Variants in FBXO11 observed in about 807,000 individuals in gnomAD.
FBXO11 encodes F-box only protein 11.
FBXO11 carries 13 observed loss-of-function variants against 117.0 expected under a neutral mutation model. The observed-to-expected ratio is 0.11, with a 90% CI of 0.07 to 0.18. FBXO11 has a LOEUF of 0.18. Ranked by LOEUF, FBXO11 falls within the 10% of genes least tolerant of loss-of-function variation. FBXO11 has a pLI of 1.00. For missense variants in FBXO11, 767 were observed against 1,164.4 expected, an observed-to-expected ratio of 0.66 and a Z score of 4.97; for synonymous variants, 490 against 380.5, an observed-to-expected ratio of 1.29 and a Z score of -3.35.
chr2:47,874,091 G>A (rs1367409281), intron 1 of FBXO11, among the ~76,000 whole-genome samples: 1 of 152,092 alleles, frequency 6.6e-6, no homozygotes, highest in Non-Finnish European at 1.5e-5. Context: ...GCGGGCACCT[G>A]TAATTCCAGC....
At chr2:47,810,029 G>C (rs1670506773) in intron 19 of FBXO11, 4 of 489,662 alleles carry the variant, frequency 8.2e-6, no homozygotes, top group Middle Eastern at 5.2e-4. Flanking sequence ...CTGAGGAATT[G>C]AATCTATCTG....
chr2:47,852,048 AT>A (rs1470148353), intron 1 of FBXO11, among the ~76,000 whole-genome samples: 3 of 148,730 alleles, frequency 2.0e-5, no homozygotes, highest in Non-Finnish European at 4.4e-5. Flanking sequence ...TTGGAGTGCA[AT>A]GGCACTATCT....
At chr2:47,842,468 A>G (rs1028547405) in intron 1 of FBXO11, among the ~76,000 whole-genome samples, 2 of 152,210 alleles carry the variant, frequency 1.3e-5, no homozygotes, top group Non-Finnish European at 2.9e-5. Flanking sequence ...CTACCTAGCT[A>G]TATTTCATAA....
chr2:47,879,797 CTACTT>C (rs1033676338), intron 1 of FBXO11, among the ~76,000 whole-genome samples: 11 of 152,170 alleles, frequency 7.2e-5, no homozygotes, highest in African/African-American at 2.7e-4. Flanking sequence ...TACCACCACT[CTACTT>C]TGTTTCTAAG....
At chr2:47,845,279 A>G (rs942381852) in intron 1 of FBXO11, among the ~76,000 whole-genome samples, 1 of 152,216 alleles carries the variant, frequency 6.6e-6, no homozygotes, top group Non-Finnish European at 1.5e-5. Flanking sequence ...TAAAATGTAC[A>G]GCAAATAAAT....
intron 1 of FBXO11, among the ~76,000 whole-genome samples, chr2:47,842,306 C>T (rs113797613): frequency 0.085 from 12,890 of 151,942 alleles, 696 homozygotes; most frequent in African/African-American, 0.15. Context: ...GAGCCACCGG[C>T]GCCCGGCAGG....
chr2:47,863,595 G>A lies in FBXO11; in HGVS notation c.233-23826C>T, dbSNP rs75899427. Among the ~76,000 whole-genome samples, 3 of 152,122 alleles carry A rather than the reference G, an allele frequency of 2.0e-5. No individual in the cohort carries two copies. The East Asian group carries it at 5.8e-4, about 29-fold the overall frequency. On this transcript the variant is annotated intron_variant, in intron 1 of 22. Coordinates refer to ENST00000403359, the MANE Select transcript of FBXO11 (RefSeq NM_001190274.2). ...TAGTTCTCACTAGACCTAATATTTT[G>A]GGGTTATGGCATAACAGTTTTTCAA... is the stretch of plus-strand genomic sequence containing the variant.
rs1212477100 is a variant in FBXO11 at position 47,905,826 on chromosome 2, A to C, written c.-106T>G. Reference sequence around the variant, plus strand: ...TGGGGAGAGTGGGAGAGGGGGGAGGAAGGAGAGGGGGCGAGGGGAAGGGGA... The same window carrying C: ...TGGGGAGAGTGGGAGAGGGGGGAGGCAGGAGAGGGGGCGAGGGGAAGGGGA... On this transcript the variant is annotated 5_prime_UTR_variant, in exon 1 of 23. Coordinates refer to ENST00000403359, the MANE Select transcript of FBXO11 (RefSeq NM_001190274.2). 2.9e-5 allele frequency: 9 copies of C among 305,842 alleles called. 1 individual carries two copies. The Admixed American group carries it at 4.5e-4, about 15-fold the overall frequency. 18.9% of individuals were successfully genotyped at this position (305,842 alleles called of 1,614,324 possible). A position where few individuals can be genotyped will look rare whatever the true frequency, so the allele number is the denominator to read the frequency against.
At position 47,845,620 on chromosome 2, in the gene FBXO11, C is replaced by A. The variant is rs533883559; in HGVS notation, c.233-5851G>T. 2.6e-5 allele frequency among the ~76,000 whole-genome samples: 4 copies of A among 152,242 alleles called. No homozygotes were observed. In the East Asian group the frequency reaches 7.7e-4, roughly 29 times the overall value. ...GAACTCCTGTAGTACTGAATATATA[C>A]CGTATATACCTTACTATACCTTAGC... On this transcript the variant is annotated intron_variant, in intron 1 of 22. Coordinates refer to ENST00000403359, the MANE Select transcript of FBXO11 (RefSeq NM_001190274.2).
At chr2:47,840,512 C>T (rs938632369) in intron 1 of FBXO11, among the ~76,000 whole-genome samples, 1 of 148,464 alleles carries the variant, frequency 6.7e-6, no homozygotes, top group African/African-American at 2.5e-5. Flanking sequence ...GTGCAGTGGC[C>T]CGATCACAGC....
rs184701261 is a variant in FBXO11, at chr2:47,847,422, A to G, written c.233-7653T>C. Among the ~76,000 whole-genome samples the G allele has an allele frequency of 5.5e-3, 838 of 152,210 alleles. 5 individuals are homozygous for G. The highest frequency in any genetic ancestry group is 0.019 in the African/African-American group (805 of 41,540). On this transcript the variant is annotated intron_variant, in intron 1 of 22. Coordinates refer to ENST00000403359, the MANE Select transcript of FBXO11 (RefSeq NM_001190274.2). ...TAAAAAGGTACAGTAAAAATATAGT[A>G]TCATGGCTGGGTGTGGTGGCTCACG...
chr2:47,889,061 T>A (rs765335514), intron 1 of FBXO11, among the ~76,000 whole-genome samples: 4 of 152,226 alleles, frequency 2.6e-5, no homozygotes, highest in African/African-American at 9.6e-5. Context: ...AGTGTCTATG[T>A]GCAAATGGCT....
intron 7 of FBXO11, among the ~76,000 whole-genome samples, chr2:47,833,588 G>A (rs1428449034): frequency 4.6e-5 from 7 of 152,084 alleles, no homozygotes; most frequent in Admixed American, 3.9e-4. Flanking sequence ...AATGTTCTAT[G>A]TACTGTATCC....
intron 1 of FBXO11, chr2:47,883,802 G>T: frequency 4.4e-6 from 1 of 225,124 alleles, no homozygotes; most frequent in East Asian, 1.2e-4. Flanking sequence ...CGCCTTAGTC[G>T]GGAGTGCCCT....
intron 1 of FBXO11, among the ~76,000 whole-genome samples, chr2:47,840,361 T>G (rs1026754330): frequency 6.6e-6 from 1 of 150,774 alleles, no homozygotes; most frequent in Admixed American, 6.6e-5. Context: ...TGGCAAGGAG[T>G]GTGTCTATGA....
chr2:47,879,141 G>A (rs1262975899), intron 1 of FBXO11, among the ~76,000 whole-genome samples: 1 of 152,100 alleles, frequency 6.6e-6, no homozygotes, highest in Non-Finnish European at 1.5e-5. Context: ...TTTTCTTACA[G>A]CTGCATGGTA....
chr2:47,851,666 A>G (rs752833075), intron 1 of FBXO11, among the ~76,000 whole-genome samples: 80 of 152,360 alleles, frequency 5.3e-4, no homozygotes, highest in Non-Finnish European at 9.8e-4. Flanking sequence ...CAGGTGTTAT[A>G]AAAGTATAAA....
chr2:47,809,364 T>C (rs1210289010), intron 20 of FBXO11, 98 bp from the exon 21 acceptor site: 2 of 796,258 alleles, frequency 2.5e-6, no homozygotes, highest in Admixed American at 6.0e-5. Context: ...CCACTATTTT[T>C]AAGAGCTTTA....
rs1321717958 is a variant in FBXO11, at chr2:47,906,356, A to C, written c.-636T>G. On this transcript the variant is annotated 5_prime_UTR_variant, in exon 1 of 23. Transcript: ENST00000403359. The stretch of plus-strand genomic sequence containing the variant: ...AAGGGGAAATGAGTGTGAAGGGAGG[A>C]GATAGGGGGAAAAAGAGGCGTCGTC... 6.6e-6 allele frequency among the ~76,000 whole-genome samples: 1 copy of C among 151,092 alleles called. No homozygotes were observed. Among genetic ancestry groups the C allele is most frequent in the African/African-American group, 2.4e-5 (1 of 40,966 alleles).
Sources: allele counts gnomAD v4.1 joint callset (sites outside exome capture counted in the v4.1 genomes callset), GRCh38; gene constraint gnomAD v4.1.1; transcripts MANE v1.5; gene names NCBI Gene and HGNC (gene_info 2026-07-23, HGNC 2026-07-21).